REDIC1: variants seen among roughly 807,000 people sequenced by gnomAD.
REDIC1 encodes the protein regulator of DNA class I crossover intermediates 1.
the REDIC1 span, among the ~76,000 whole-genome samples, chr12:39,767,118 T>C: frequency 6.6e-6 from 1 of 152,200 alleles, no homozygotes; most frequent in South Asian, 2.1e-4. Context: ...ATGGCAGCTA[T>C]GGCCTTATGA....
At chr12:39,671,289 T>C in the REDIC1 span, among the ~76,000 whole-genome samples, 7 of 152,150 alleles carry the variant, frequency 4.6e-5, no homozygotes, top group Non-Finnish European at 1.0e-4. Flanking sequence ...CTGTATAATT[T>C]CTTTAACTGT....
the REDIC1 span, among the ~76,000 whole-genome samples, chr12:39,800,582 A>C: frequency 1.1e-5 from 1 of 87,602 alleles, no homozygotes; most frequent in Non-Finnish European, 2.3e-5. Flanking sequence ...CAATCATTAA[A>C]AAGTCAGGAA....
the REDIC1 span, among the ~76,000 whole-genome samples, chr12:39,704,155 A>C: frequency 1.3e-5 from 2 of 151,446 alleles, no homozygotes; most frequent in Non-Finnish European, 1.5e-5. Flanking sequence ...AATGGGAGAA[A>C]ATTTTCGCAT....
At chr12:39,689,507 TGAGAA>T in the REDIC1 span, among the ~76,000 whole-genome samples, 1 of 152,156 alleles carries the variant, frequency 6.6e-6, no homozygotes, top group Non-Finnish European at 1.5e-5. Flanking sequence ...GGGCTTGAGG[TGAGAA>T]GAGATGTTTC....
chr12:39,896,025 T>C, the REDIC1 span, among the ~76,000 whole-genome samples: 2 of 140,500 alleles, frequency 1.4e-5, no homozygotes, highest in Non-Finnish European at 3.1e-5. Flanking sequence ...TATGTATACA[T>C]ACATGCATAT....
At chr12:39,709,940 C>T in the REDIC1 span, among the ~76,000 whole-genome samples, 3 of 151,730 alleles carry the variant, frequency 2.0e-5, no homozygotes, top group African/African-American at 7.3e-5. Flanking sequence ...TTTCCACCAG[C>T]AGTGCAAAAA....
chr12:39,888,324 A>C, the REDIC1 span, among the ~76,000 whole-genome samples: 6 of 152,216 alleles, frequency 3.9e-5, no homozygotes, highest in African/African-American at 1.4e-4. Context: ...TCCCAGGTTC[A>C]AGCAATTCTC....
the REDIC1 span, among the ~76,000 whole-genome samples, chr12:39,764,127 GT>G: frequency 2.1e-3 from 313 of 151,228 alleles, 1 homozygote; most frequent in African/African-American, 6.8e-3. Context: ...ACCATTTTCT[GT>G]TTTTTTTTTT....
At chr12:39,890,061 T>C in the REDIC1 span, among the ~76,000 whole-genome samples, 3 of 152,150 alleles carry the variant, frequency 2.0e-5, no homozygotes, top group Non-Finnish European at 4.4e-5. Context: ...AACCCGATAA[T>C]CTGTAAAATA....
the REDIC1 span, among the ~76,000 whole-genome samples, chr12:39,782,673 AC>A: frequency 6.6e-6 from 1 of 152,198 alleles, no homozygotes; most frequent in Non-Finnish European, 1.5e-5. Context: ...TGGGTAACAG[AC>A]AAAGGTTGGA....
the REDIC1 span, among the ~76,000 whole-genome samples, chr12:39,862,661 C>A: frequency 1.1e-3 from 166 of 152,226 alleles, no homozygotes; most frequent in African/African-American, 3.5e-3. Flanking sequence ...TTATGTGATT[C>A]TTTTCCTGTT....
the REDIC1 span, among the ~76,000 whole-genome samples, chr12:39,695,114 T>C: frequency 7.9e-5 from 12 of 152,102 alleles, no homozygotes; most frequent in African/African-American, 2.7e-4. Context: ...AGGGACTGCA[T>C]TGAGGGCCTT....
At chr12:39,632,161 A>G in the REDIC1 span, among the ~76,000 whole-genome samples, 1 of 151,984 alleles carries the variant, frequency 6.6e-6, no homozygotes, top group Non-Finnish European at 1.5e-5. Flanking sequence ...CACTGGTGCC[A>G]TCTCGGCTCA....
At chr12:39,894,375 C>A in the REDIC1 span, among the ~76,000 whole-genome samples, 5 of 152,096 alleles carry the variant, frequency 3.3e-5, no homozygotes, top group Admixed American at 3.3e-4. Flanking sequence ...AATATCACAA[C>A]AATATTTTTC....
At chr12:39,813,124 C>A in the REDIC1 span, among the ~76,000 whole-genome samples, 2 of 145,474 alleles carry the variant, frequency 1.4e-5, no homozygotes, top group African/African-American at 5.1e-5. Flanking sequence ...GGATTACAGG[C>A]GTGACCCACT....
the REDIC1 span, among the ~76,000 whole-genome samples, chr12:39,905,832 A>AAAAC: frequency 6.6e-6 from 1 of 151,536 alleles, no homozygotes; most frequent in African/African-American, 2.4e-5. Flanking sequence ...GAAAAAAAAA[A>AAAAC]AAACTACACT....
At chr12:39,754,477 A>T in the REDIC1 span, 1 of 152,136 alleles carries the variant, frequency 6.6e-6, no homozygotes, top group Non-Finnish European at 1.5e-5. Context: ...GAGTCTTCAG[A>T]AGATCTCCTT....
chr12:39,713,139 ATG>A, the REDIC1 span, among the ~76,000 whole-genome samples: 2 of 149,762 alleles, frequency 1.3e-5, no homozygotes, highest in African/African-American at 4.9e-5. Context: ...ATACGTATAT[ATG>A]TAGATATGTG....
chr12:39,796,764 A>G, the REDIC1 span, among the ~76,000 whole-genome samples: 1 of 152,196 alleles, frequency 6.6e-6, no homozygotes, highest in African/African-American at 2.4e-5. Context: ...GCCAACTAAC[A>G]ATAAGAATGT....
Sources: allele counts gnomAD v4.1 joint callset (sites outside exome capture counted in the v4.1 genomes callset), GRCh38; gene constraint gnomAD v4.1.1; transcripts MANE v1.5; gene names NCBI Gene and HGNC (gene_info 2026-07-23, HGNC 2026-07-21).